The following CHCHD3 variants were observed in gnomAD, a reference collection of about 807,000 sequenced individuals.
The protein encoded by CHCHD3 is MICOS complex subunit MIC19.
Under a neutral mutation model 38.2 loss-of-function variants are expected in CHCHD3, and 20 were observed. The ratio of observed to expected loss-of-function variants is 0.52; its 90% confidence interval spans 0.37 to 0.76. The LOEUF is 0.76. CHCHD3 is among the 30% of genes least tolerant of loss of function. The probability of loss-of-function intolerance (pLI) is 0.00; values close to 1 mark genes in which losing one functional copy is unlikely to be tolerated. For missense variants in CHCHD3, 245 were observed against 279.2 expected (o/e 0.88, Z 0.87); for synonymous variants, 82 against 100.0 (o/e 0.82, Z 1.07).
intron 3 of CHCHD3, among the ~76,000 whole-genome samples, chr7:133,000,894 G>C (rs1021041594): frequency 6.6e-6 from 1 of 152,116 alleles, no homozygotes; most frequent in Non-Finnish European, 1.5e-5. Context: ...GTGACCATAG[G>C]ACAGCACAGA....
intron 4 of CHCHD3, among the ~76,000 whole-genome samples, chr7:132,910,452 T>C (rs534325813): frequency 6.6e-6 from 1 of 152,324 alleles, no homozygotes; most frequent in African/African-American, 2.4e-5. Context: ...AACTTTCTTA[T>C]ACTAATAAAC....
intron 6 of CHCHD3, among the ~76,000 whole-genome samples, chr7:132,808,879 TC>T (rs1806997501): frequency 9.4e-6 from 1 of 106,308 alleles, no homozygotes; most frequent in African/African-American, 3.6e-5. Context: ...ATGCTATCCC[TC>T]CCCCCTCCCC....
intron 3 of CHCHD3, among the ~76,000 whole-genome samples, chr7:133,012,263 T>C (rs182032350): frequency 6.6e-6 from 1 of 152,320 alleles, no homozygotes; most frequent in East Asian, 1.9e-4. Flanking sequence ...ATGCACAATT[T>C]CCAACCTATT....
In CHCHD3 at chr7:132,809,731, G is replaced by A. The variant is rs549405250; in HGVS notation, c.525-13154C>T. Among the ~76,000 whole-genome samples, 15 of 152,288 alleles carry A rather than the reference G, an allele frequency of 9.8e-5. No individual in the cohort carries two copies. In the East Asian group the frequency reaches 1.7e-3, roughly 18 times the overall value. On this transcript the variant is annotated intron_variant, in intron 6 of 7. Transcript: ENST00000262570. Reference sequence around the variant, plus strand: ...TCTAATATGAACCAGTATAACAGCCGAAGAGCGCAACTGCACATATTCCTA... The same window carrying A: ...TCTAATATGAACCAGTATAACAGCCAAAGAGCGCAACTGCACATATTCCTA...
chr7:133,026,640 A>G lies in CHCHD3; in HGVS notation c.170-2013T>C, dbSNP rs148662344. 1.4e-4 allele frequency among the ~76,000 whole-genome samples: 22 copies of G among 152,380 alleles called. 1 individual carries two copies. The East Asian group carries it at 4.2e-3, about 29-fold the overall frequency. On this transcript the variant is annotated intron_variant, in intron 2 of 7. Coordinates refer to ENST00000262570, the MANE Select transcript of CHCHD3 (RefSeq NM_017812.4). ...ACACAACCTAAGTGCCTAGCAACTG[A>G]TGAATGGACAAACAAAATGTGGTAT...
At position 132,862,064 on chromosome 7, in the gene CHCHD3, TGATGGATGGATGGATG is replaced by T. The variant is rs10666936; in HGVS notation, c.453+23582_454-23596del. Among the ~76,000 whole-genome samples the T allele has an allele frequency of 9.3e-4, 135 of 145,810 alleles. 2 individuals are homozygous for T. The highest frequency in any genetic ancestry group is 7.9e-3 in the Admixed American group (115 of 14,538). ...TTGAAATCCAGCACTTAATGTTTGCTGATGGATGGATGGATGGATGGATGGATGGATGGATGGATGG... is the reference window on the plus strand; with the variant it reads ...TTGAAATCCAGCACTTAATGTTTGCTGATGGATGGATGGATGGATGGATGG... On this transcript the variant is annotated intron_variant, in intron 5 of 7. Coordinates refer to ENST00000262570, the MANE Select transcript of CHCHD3 (RefSeq NM_017812.4).
At chr7:132,929,474 C>CT (rs1232742536) in intron 4 of CHCHD3, among the ~76,000 whole-genome samples, 1 of 152,178 alleles carries the variant, frequency 6.6e-6, no homozygotes, top group Non-Finnish European at 1.5e-5. Flanking sequence ...CATACTATTT[C>CT]TTGGCAATCT....
chr7:132,932,441 A>G (rs1810535918), intron 4 of CHCHD3, among the ~76,000 whole-genome samples: 1 of 152,222 alleles, frequency 6.6e-6, no homozygotes, highest in Non-Finnish European at 1.5e-5. Context: ...AAACACATGC[A>G]GACACTAAGA....
chr7:132,919,100 C>CTTTTTTTTTTTTTTTTT lies in CHCHD3; in HGVS notation c.370-33372_370-33356dup, dbSNP rs5887600. Among the ~76,000 whole-genome samples the CTTTTTTTTTTTTTTTTT allele has an allele frequency of 8.6e-5, 6 of 69,502 alleles. 1 individual carries two copies. The highest frequency in any genetic ancestry group is 1.4e-3 in the South Asian group (2 of 1,456). The allele number at this position is 69,502 out of a possible 152,430, so 45.6% of individuals were successfully genotyped here. ...CTAATCCTATATAGTTGGGTTTATT[C>CTTTTTTTTTTTTTTTTT]TTTTTTTTTTTTTTTTTTTTTTTTT... On this transcript the variant is annotated intron_variant, in intron 4 of 7. Coordinates refer to ENST00000262570, the MANE Select transcript of CHCHD3 (RefSeq NM_017812.4).
At chr7:132,952,956 T>C (rs1168264516) in intron 4 of CHCHD3, among the ~76,000 whole-genome samples, 1 of 152,224 alleles carries the variant, frequency 6.6e-6, no homozygotes, top group Admixed American at 6.5e-5. Flanking sequence ...TATTTACTTA[T>C]TTCAGAACCA....
At chr7:133,009,792 T>C (rs1228811796) in intron 3 of CHCHD3, among the ~76,000 whole-genome samples, 6 of 152,206 alleles carry the variant, frequency 3.9e-5, no homozygotes, top group African/African-American at 1.2e-4. Context: ...AAAATGTAAG[T>C]GCAAACTATA....
At chr7:133,046,744 T>C (rs1813999264) in intron 2 of CHCHD3, among the ~76,000 whole-genome samples, 1 of 152,142 alleles carries the variant, frequency 6.6e-6, no homozygotes, top group Admixed American at 6.5e-5. Context: ...TTGTGTTTTT[T>C]AGTAGAGACA....
chr7:132,923,913 G>C (rs1458383043), intron 4 of CHCHD3, among the ~76,000 whole-genome samples: 1 of 152,180 alleles, frequency 6.6e-6, no homozygotes, highest in Non-Finnish European at 1.5e-5. Context: ...TAGATGAATT[G>C]TTTAATTTAT....
At chr7:133,055,318 TTATA>T (rs1814286939) in intron 2 of CHCHD3, among the ~76,000 whole-genome samples, 2 of 146,056 alleles carry the variant, frequency 1.4e-5, no homozygotes, top group South Asian at 4.2e-4. Context: ...GTTGAATATA[TTATA>T]TATAATTGTT....
At chr7:132,844,116 G>A (rs1023317883) in intron 5 of CHCHD3, among the ~76,000 whole-genome samples, 38 of 152,150 alleles carry the variant, frequency 2.5e-4, no homozygotes, top group Non-Finnish European at 1.5e-5. Flanking sequence ...CCAGGATAAC[G>A]TGGTGAAACC....
intron 5 of CHCHD3, among the ~76,000 whole-genome samples, chr7:132,878,875 T>C (rs1466015529): frequency 6.6e-6 from 1 of 152,192 alleles, no homozygotes; most frequent in Admixed American, 6.5e-5. Context: ...AATAGGTTGA[T>C]ATGACAGTTA....
intron 4 of CHCHD3, among the ~76,000 whole-genome samples, chr7:132,955,689 GGC>G (rs1811147308): frequency 1.3e-5 from 2 of 152,094 alleles, no homozygotes; most frequent in African/African-American, 4.8e-5. Flanking sequence ...GAGGGCCCAT[GGC>G]AATAGGTGGA....
At chr7:132,986,614 C>T (rs1233468267) in intron 3 of CHCHD3, among the ~76,000 whole-genome samples, 1 of 152,056 alleles carries the variant, frequency 6.6e-6, no homozygotes, top group Non-Finnish European at 1.5e-5. Flanking sequence ...TTAAAAATGT[C>T]AAGATAATAG....
intron 5 of CHCHD3, among the ~76,000 whole-genome samples, chr7:132,855,860 T>C (rs947701486): frequency 1.3e-5 from 2 of 148,202 alleles, no homozygotes; most frequent in African/African-American, 5.0e-5. Flanking sequence ...TGTGTCATAT[T>C]TGTTTAAAAA....
Sources: gnomAD v4.1 joint callset for allele counts (sites outside exome capture counted in the v4.1 genomes callset) on GRCh38, gnomAD v4.1.1 for gene constraint, MANE v1.5 for transcripts, NCBI Gene and HGNC (gene_info 2026-07-23, HGNC 2026-07-21) for gene names.